Variants in FAT2 observed in about 807,000 individuals in gnomAD.
The protein encoded by FAT2 is protocadherin Fat 2.
In FAT2, 150 loss-of-function variants were observed where a neutral mutation model predicts 295.3. That is an observed-to-expected ratio of 0.51 (90% CI 0.44 to 0.58). FAT2 has a LOEUF of 0.58. FAT2 is among the 20% of genes least tolerant of loss of function. FAT2 has a pLI of 0.00. For synonymous variants in FAT2, 2,026 were observed against 2,150.3 expected (o/e 0.94, Z 1.60); for missense variants, 4,868 against 5,442.7 (o/e 0.89, Z 3.32).
At chr5:151,536,941 G>A (rs1188017653) in intron 12 of FAT2, among the ~76,000 whole-genome samples, 5 of 152,158 alleles carry the variant, frequency 3.3e-5, no homozygotes, top group Admixed American at 6.5e-5. Context: ...CTCAGTGTGT[G>A]TACTATTTCC....
intron 1 of FAT2, among the ~76,000 whole-genome samples, chr5:151,587,299 G>T (rs561782908): frequency 3.3e-5 from 5 of 151,184 alleles, no homozygotes; most frequent in African/African-American, 9.7e-5. Flanking sequence ...ACATTTTTTT[G>T]AAAATGACAT....
chr5:151,553,057 A>G, intron 6 of FAT2, 120 bp downstream of exon 6: 1 of 957,528 alleles, frequency 1.0e-6, no homozygotes, highest in South Asian at 1.5e-5. Flanking sequence ...CCGGGCTGAA[A>G]GAGGGGCTGC....
Position 151,568,481 on chromosome 5 carries a change from G to T in FAT2, c.451C>A (p.Pro151Thr). The T allele has an allele frequency of 1.2e-6, 2 of 1,614,180 alleles. No individual in the cohort carries two copies. Among genetic ancestry groups the T allele is most frequent in the Non-Finnish European group, 1.7e-6 (2 of 1,180,042 alleles). ...QNDLKPLFSP[P>T]SYRVTISEDM... The stretch of plus-strand genomic sequence containing the variant: ...TCAGAGATGGTGACTCTGTACGAAG[G>T]TGGAGAGAAGAGAGGCTTCAGGTCA... Residue 151 changes from proline to threonine, a missense_variant, in exon 2 of 24, where the codon CCT becomes ACT. Physicochemically the swap from Pro to Thr is conservative, Grantham distance 38 (BLOSUM62 -1). Transcript: ENST00000261800.
At chr5:151,517,494 A>G in intron 20 of FAT2, 126 bp downstream of exon 20, 1 of 1,197,744 alleles carries the variant, frequency 8.3e-7, no homozygotes. Context: ...TCACACCCAG[A>G]ATCCCTGAAA....
At chr5:151,516,277 A>C (rs1276240262) in intron 20 of FAT2, among the ~76,000 whole-genome samples, 1 of 152,212 alleles carries the variant, frequency 6.6e-6, no homozygotes, top group Non-Finnish European at 1.5e-5. Context: ...TGGGAGGCCA[A>C]GGTGGGTGGA....
intron 3 of FAT2, among the ~76,000 whole-genome samples, chr5:151,556,991 T>C (rs1007044444): frequency 2.6e-5 from 4 of 152,026 alleles, no homozygotes; most frequent in Admixed American, 2.0e-4. Context: ...ATGTGTCAGG[T>C]GAAGTTCCCA....
At position 151,545,736 on chromosome 5, in the gene FAT2, A is replaced by G; in HGVS notation, c.5391T>C (p.Asn1797=). The G allele has an allele frequency of 5.6e-6, 9 of 1,614,080 alleles. No individual in the cohort carries two copies. The highest frequency in any genetic ancestry group is 7.6e-6 in the Non-Finnish European group (9 of 1,180,022). ...CCAAAATTTTATAGACCAACAAGGAATTAGCTTCTTTGTCACTGTCAGAGG... is the reference window on the plus strand; with the variant it reads ...CCAAAATTTTATAGACCAACAAGGAGTTAGCTTCTTTGTCACTGTCAGAGG... ...IHASDSDKEA[N]SLLVYKILEP... Residue 1797 remains asparagine, a synonymous_variant, in exon 10 of 24, where the codon AAT becomes AAC. Transcript: ENST00000261800.
In FAT2 at chr5:151,526,027, C is replaced by T. The variant is rs1247651261; in HGVS notation, c.10309-62G>A. ...ATGAGTCCCGGTCCTTCCTTTCGCA[C>T]GTGTCTGGGTATGTCATCTGGAATG... On this transcript the variant is annotated intron_variant, in intron 17 of 23. Coordinates refer to ENST00000261800, the MANE Select transcript of FAT2 (RefSeq NM_001447.3). 2.6e-6 allele frequency: 4 copies of T among 1,515,686 alleles called. No homozygotes were observed. The East Asian group carries it at 7.1e-5, about 27-fold the overall frequency. The allele number at this position is 1,515,686 out of a possible 1,614,324, so 93.9% of individuals were successfully genotyped here. A position where few individuals can be genotyped will look rare whatever the true frequency, so the allele number is the denominator to read the frequency against.
chr5:151,506,188 G>T, intron 23 of FAT2, 91 bp from the exon 24 acceptor site: 1 of 1,372,150 alleles, frequency 7.3e-7, no homozygotes, highest in Non-Finnish European at 9.6e-7. Context: ...CTAGCGAGTG[G>T]TGGAGATGGG....
rs776568473 is a variant in FAT2, at chr5:151,566,899, T to G, written c.2033A>C (p.Gln678Pro). ...AAAGTGGAGGATAGTCTTTGTGAAT[T>G]GTGTCAATACCCCTGTTTTATCACA... The part of the protein sequence containing the change: ...VTCDKTGVLT[Q>P]FTKTILHFIG... The change falls in exon 2 of 24, where the codon CAA (glutamine) becomes CCA (proline). Residue 678 changes from glutamine (Q) to proline (P), a missense_variant. Physicochemically the swap from Gln to Pro is moderately conservative, Grantham distance 76. Coordinates refer to ENST00000261800, the MANE Select transcript of FAT2 (RefSeq NM_001447.3). The G allele has an allele frequency of 1.9e-6, 3 of 1,614,186 alleles. No homozygotes were observed. The Admixed American group carries it at 5.0e-5, about 27-fold the overall frequency.
intron 1 of FAT2, among the ~76,000 whole-genome samples, chr5:151,570,353 C>A (rs1002948813): frequency 2.6e-5 from 4 of 152,222 alleles, no homozygotes; most frequent in South Asian, 2.1e-4. Context: ...GCTTCTGTCC[C>A]TGCTTTTCAT....
intron 1 of FAT2, among the ~76,000 whole-genome samples, chr5:151,575,885 A>C (rs1463853242): frequency 6.6e-6 from 1 of 152,216 alleles, no homozygotes; most frequent in Non-Finnish European, 1.5e-5. Context: ...TGAGCACTTG[A>C]AATGCGGCTA....
In FAT2 at chr5:151,566,370, C is replaced by T. The variant is rs3734058; in HGVS notation, c.2562G>A (p.Arg854=). The change falls in exon 2 of 24, where the codon AGG becomes AGA. Residue 854 remains arginine (R), a synonymous_variant. Transcript: ENST00000261800. ...TGGGACTTAGCAGGGTGTAGCGAACCCTGCCATTGTCTTCCGAGTCAGCAT... is the reference window on the plus strand; with the variant it reads ...TGGGACTTAGCAGGGTGTAGCGAACTCTGCCATTGTCTTCCGAGTCAGCAT... ...TKDADSEDNG[R]VRYTLLSPTE... 812,611 of 1,613,548 alleles carry T rather than the reference C, an allele frequency of 0.5. 207,958 individuals are homozygous for T. Among genetic ancestry groups the T allele is most frequent in the Non-Finnish European group, 0.53 (623,820 of 1,179,800 alleles).
At chr5:151,529,466 C>T in intron 14 of FAT2, 74 bp from the exon 15 acceptor site, 4 of 1,328,312 alleles carry the variant, frequency 3.0e-6, no homozygotes, top group Non-Finnish European at 4.3e-6. Flanking sequence ...GGTCTGAGCC[C>T]AGCCCTAGGA....
At chr5:151,515,746 C>G (rs1752799160) in intron 20 of FAT2, among the ~76,000 whole-genome samples, 1 of 152,184 alleles carries the variant, frequency 6.6e-6, no homozygotes, top group Non-Finnish European at 1.5e-5. Flanking sequence ...AACCACCATC[C>G]TCTCTTATCC....
chr5:151,556,540 A>C, intron 3 of FAT2, 138 bp from the exon 4 acceptor site: 1 of 630,926 alleles, frequency 1.6e-6, no homozygotes, highest in Non-Finnish European at 2.8e-6. Flanking sequence ...ACCATCCCTG[A>C]CTTAGGATAG....
At chr5:151,558,738 C>T (rs1757893560) in intron 3 of FAT2, among the ~76,000 whole-genome samples, 1 of 152,162 alleles carries the variant, frequency 6.6e-6, no homozygotes. Flanking sequence ...GGTCCTAGTA[C>T]TGGCTCTTCC....
At chr5:151,553,106 G>A in intron 6 of FAT2, 71 bp downstream of exon 6, 2 of 1,472,976 alleles carry the variant, frequency 1.4e-6, no homozygotes, top group East Asian at 2.3e-5. Context: ...AAGGACTGTA[G>A]CAGGAAAACT....
Position 151,566,486 on chromosome 5 carries a change from T to G in FAT2, c.2446A>C (p.Asn816His), listed in dbSNP as rs1004150868. ...CCACCGGGAGGAAATCTGGGTGCGT[T>G]GTCATTCCAGTCTTTCACATTCACT... ...LTVNVKDWND[N>H]APRFPPGGYQ... The change falls in exon 2 of 24, where the codon AAC becomes CAC. Residue 816 changes from asparagine (N) to histidine (H), a missense_variant. Transcript: ENST00000261800. 5.0e-6 allele frequency: 8 copies of G among 1,613,744 alleles called. No individual in the cohort carries two copies. Among genetic ancestry groups the G allele is most frequent in the Non-Finnish European group, 6.8e-6 (8 of 1,179,918 alleles).
Sources: gnomAD v4.1 joint callset for allele counts (sites outside exome capture counted in the v4.1 genomes callset) on GRCh38, gnomAD v4.1.1 for gene constraint, MANE v1.5 for transcripts, NCBI Gene and HGNC (gene_info 2026-07-23, HGNC 2026-07-21) for gene names.